FYB1: variants seen among roughly 807,000 people sequenced by gnomAD.
FYB1 encodes FYN binding protein 1.
FYB1 carries 41 observed loss-of-function variants against 94.1 expected under a neutral mutation model. That is an observed-to-expected ratio of 0.44 (90% confidence interval 0.34 to 0.57). FYB1 has a LOEUF of 0.57. FYB1 is among the 20% of genes least tolerant of loss of function. The pLI, the probability that FYB1 is intolerant of heterozygous loss-of-function variation, is 0.02. For synonymous variants in FYB1, 367 were observed against 353.2 expected (o/e 1.04, Z -0.44); for missense variants, 1,050 against 976.8 (o/e 1.07, Z -1.00).
intron 1 of FYB1, among the ~76,000 whole-genome samples, chr5:39,245,594 G>A (rs1355202554): frequency 6.8e-6 from 1 of 146,582 alleles, no homozygotes; most frequent in African/African-American, 2.7e-5. Context: ...AGAAGGAAGA[G>A]GAAGAGGCTT....
chr5:39,131,859 A>G (rs1351562118), intron 9 of FYB1, among the ~76,000 whole-genome samples: 1 of 152,116 alleles, frequency 6.6e-6, no homozygotes, highest in Non-Finnish European at 1.5e-5. Context: ...CTCCTGTTTT[A>G]TTTCATGTCT....
chr5:39,148,160 T>A (rs1353577804), intron 3 of FYB1, among the ~76,000 whole-genome samples: 1 of 5,202 alleles, frequency 1.9e-4, no homozygotes, highest in Non-Finnish European at 4.6e-4. Context: ...ATTTTTTATA[T>A]ATATATATAT....
chr5:39,202,885 G>T lies in FYB1; in HGVS notation c.76C>A (p.Pro26Thr). The change falls in exon 2 of 19, where the codon CCA (proline) becomes ACA (threonine). Residue 26 changes from proline to threonine, a missense_variant. Pro to Thr is a conservative substitution (Grantham distance 38). Coordinates refer to ENST00000512982, the MANE Select transcript of FYB1 (RefSeq NM_001465.6). The part of the protein sequence containing the change: ...VNSRPFRVTG[P>T]NSSSGIQARK... ...GCTTGTATTCCTGAAGATGAGTTTG[G>T]CCCTGTGACTCTGAAGGGTCGGCTA... 6.2e-7 allele frequency: 1 copy of T among 1,613,954 alleles called. No homozygotes were observed. The highest frequency in any genetic ancestry group is 8.5e-7 in the Non-Finnish European group (1 of 1,179,884).
chr5:39,268,817 G>A (rs1359563027), intron 1 of FYB1, among the ~76,000 whole-genome samples: 1 of 152,048 alleles, frequency 6.6e-6, no homozygotes, highest in East Asian at 1.9e-4. Flanking sequence ...TGCCTGCCTC[G>A]GCCTCCCAAA....
At chr5:39,158,250 C>T (rs1456556149) in intron 2 of FYB1, among the ~76,000 whole-genome samples, 1 of 152,238 alleles carries the variant, frequency 6.6e-6, no homozygotes, top group East Asian at 1.9e-4. Flanking sequence ...TTGCACAAGT[C>T]ACGTTCCCCT....
intron 2 of FYB1, among the ~76,000 whole-genome samples, chr5:39,201,201 G>T (rs1748286049): frequency 6.6e-6 from 1 of 152,164 alleles, no homozygotes; most frequent in Non-Finnish European, 1.5e-5. Flanking sequence ...ATGATGAATT[G>T]TGTGGATATT....
chr5:39,176,597 T>G, intron 2 of FYB1, among the ~76,000 whole-genome samples: 1 of 152,236 alleles, frequency 6.6e-6, no homozygotes, highest in Non-Finnish European at 1.5e-5. Flanking sequence ...ATATGATTGG[T>G]CTTCATTTCT....
intron 7 of FYB1, 100 bp downstream of exon 7, chr5:39,137,500 G>A (rs1741772486): frequency 3.8e-6 from 5 of 1,323,742 alleles, no homozygotes; most frequent in Non-Finnish European, 5.1e-6. Flanking sequence ...TAATGAATAA[G>A]TAATTCTTCA....
rs184805462 is a variant in FYB1, at chr5:39,273,163, C to T, written c.-28+1240G>A. Among the ~76,000 whole-genome samples the T allele has an allele frequency of 4.7e-3, 721 of 152,146 alleles. 8 individuals are homozygous for T. The highest frequency in any genetic ancestry group is 3.3e-3 in the Non-Finnish European group (225 of 67,998). On this transcript the variant is annotated intron_variant, in intron 1 of 1. Transcript: ENST00000510188. ...GGTGTACCCAACAGCTCATTGAGAA[C>T]GGGCCATGATGACAATGGCGGTTTT...
chr5:39,115,276 G>A (rs1739428641), intron 16 of FYB1, among the ~76,000 whole-genome samples: 1 of 151,972 alleles, frequency 6.6e-6, no homozygotes, highest in Admixed American at 6.6e-5. Context: ...TGTATTTTTA[G>A]TAGAGATGGT....
At chr5:39,195,024 C>T (rs561118934) in intron 2 of FYB1, among the ~76,000 whole-genome samples, 26 of 152,160 alleles carry the variant, frequency 1.7e-4, no homozygotes, top group African/African-American at 6.3e-4. Flanking sequence ...TGGCTGTTAC[C>T]CGAAGCTGAA....
chr5:39,139,966 T>C (rs1429651139), intron 4 of FYB1: 1 of 152,080 alleles, frequency 6.6e-6, no homozygotes, highest in Admixed American at 6.6e-5. Context: ...ACTGGCTCCA[T>C]ACATGAGGCA....
rs1242029515 is a variant in FYB1, at chr5:39,148,154, TTTATATATATATA to T, written c.1292+5281_1292+5293del. ...CATTATATGTATATTATATGTATTT[TTTATATATATATA>T]TATATATATATATATATATATATAT... On this transcript the variant is annotated intron_variant, in intron 3 of 18. Coordinates refer to ENST00000512982, the MANE Select transcript of FYB1 (RefSeq NM_001465.6). Among the ~76,000 whole-genome samples, 14 of 41,922 alleles carry T rather than the reference TTTATATATATATA, an allele frequency of 3.3e-4. 1 individual carries two copies. Among genetic ancestry groups the T allele is most frequent in the Non-Finnish European group, 4.2e-4 (12 of 28,360 alleles). 27.5% of individuals were successfully genotyped at this position (41,922 alleles called of 152,430 possible).
intron 1 of FYB1, among the ~76,000 whole-genome samples, chr5:39,235,452 G>A (rs1296950194): frequency 1.3e-5 from 2 of 152,040 alleles, no homozygotes; most frequent in Non-Finnish European, 2.9e-5. Context: ...CAGGGGCAGA[G>A]GGAGTGTCTA....
chr5:39,203,383 C>T (rs556248018), intron 1 of FYB1, among the ~76,000 whole-genome samples: 1 of 152,228 alleles, frequency 6.6e-6, no homozygotes, highest in South Asian at 2.1e-4. Context: ...AATTGAAACT[C>T]TTAAGTAGAA....
chr5:39,252,183 GAAAT>G (rs1751743359), intron 1 of FYB1, among the ~76,000 whole-genome samples: 1 of 151,636 alleles, frequency 6.6e-6, no homozygotes, highest in African/African-American at 2.4e-5. Flanking sequence ...AAAAAATAAA[GAAAT>G]AAAATAAAAT....
intron 2 of FYB1, among the ~76,000 whole-genome samples, chr5:39,162,162 T>A (rs1191192327): frequency 6.6e-6 from 1 of 152,234 alleles, no homozygotes; most frequent in Non-Finnish European, 1.5e-5. Context: ...TATGTCTTCG[T>A]GTGGACCTAT....
intron 13 of FYB1, among the ~76,000 whole-genome samples, chr5:39,123,596 A>C (rs1243005342): frequency 6.6e-6 from 1 of 152,140 alleles, no homozygotes; most frequent in Non-Finnish European, 1.5e-5. Context: ...AGAAAGTTCT[A>C]ATGTCAGATA....
At chr5:39,188,908 A>G (rs867067271) in intron 2 of FYB1, among the ~76,000 whole-genome samples, 8 of 152,258 alleles carry the variant, frequency 5.3e-5, no homozygotes, top group African/African-American at 4.8e-5. Flanking sequence ...AGCTATTCCA[A>G]TTCCTGAGTT....
Sources: gnomAD v4.1 joint callset for allele counts (sites outside exome capture counted in the v4.1 genomes callset) on GRCh38, gnomAD v4.1.1 for gene constraint, MANE v1.5 for transcripts, NCBI Gene and HGNC (gene_info 2026-07-23, HGNC 2026-07-21) for gene names.